ABLIM1: variants seen among roughly 807,000 people sequenced by gnomAD.
ABLIM1 encodes the protein actin-binding LIM protein 1.
In ABLIM1, 40 loss-of-function variants were observed where a neutral mutation model predicts 107.0. That is an observed-to-expected ratio of 0.37 (90% CI 0.29 to 0.49). ABLIM1 has a LOEUF of 0.49. ABLIM1 is among the 20% of genes least tolerant of loss of function. The pLI, the probability that ABLIM1 is intolerant of heterozygous loss-of-function variation, is 0.97. For synonymous variants in ABLIM1, 357 were observed against 357.3 expected, an observed-to-expected ratio of 1.00 and a Z score of 0.01; for missense variants, 857 against 1,008.5, an observed-to-expected ratio of 0.85 and a Z score of 2.04.
chr10:114,660,166 C>T (rs559587221), upstream of ABLIM1, among the ~76,000 whole-genome samples: 4 of 152,286 alleles, frequency 2.6e-5, no homozygotes, highest in Admixed American at 1.3e-4. Flanking sequence ...GAATTAAGCC[C>T]AACACCAACC....
intron 1 of ABLIM1, among the ~76,000 whole-genome samples, chr10:114,603,635 A>AT (rs1325188397): frequency 5.3e-5 from 8 of 150,798 alleles, no homozygotes; most frequent in Admixed American, 2.0e-4. Flanking sequence ...TCCCTTGCAC[A>AT]TTAAAAAAAA....
rs114202653 is a variant in ABLIM1, at chr10:114,561,549, T to C, written c.673+9748A>G. 2.5e-3 allele frequency among the ~76,000 whole-genome samples: 374 copies of C among 152,342 alleles called. 4 individuals carry two copies. Among genetic ancestry groups the C allele is most frequent in the African/African-American group, 8.5e-3 (354 of 41,576 alleles). On this transcript the variant is annotated intron_variant, in intron 4 of 22. Coordinates refer to ENST00000533213, the MANE Select transcript of ABLIM1 (RefSeq NM_002313.7). ...CCACCCAGTTCTCTCTCTCCCTTCC[T>C]AGAGGCAACTACTAATAGCAATTGC...
chr10:114,644,020 A>G (rs918165176), intron 1 of ABLIM1, among the ~76,000 whole-genome samples: 6 of 151,598 alleles, frequency 4.0e-5, no homozygotes, highest in Non-Finnish European at 8.8e-5. Context: ...AGTGGCTCAT[A>G]TCTGTAATCC....
the ABLIM1 span, chr10:114,778,031 T>G: frequency 1.3e-5 from 2 of 152,218 alleles, no homozygotes; most frequent in Non-Finnish European, 2.9e-5. Flanking sequence ...CCTGTCATAT[T>G]TTTTCAAAAG....
At chr10:114,738,774 G>A (rs1234971503) in intron 1 of ABLIM1, among the ~76,000 whole-genome samples, 16 of 144,588 alleles carry the variant, frequency 1.1e-4, no homozygotes, top group African/African-American at 3.9e-4. Flanking sequence ...TGGAAACTGA[G>A]GCACGATAAA....
intron 1 of ABLIM1, among the ~76,000 whole-genome samples, chr10:114,759,254 A>G (rs1041837383): frequency 6.6e-6 from 1 of 152,234 alleles, no homozygotes; most frequent in African/African-American, 2.4e-5. Flanking sequence ...AAATCATACA[A>G]TATGCTGGAA....
At chr10:114,677,416 G>A (rs1462225434) in intron 1 of ABLIM1, among the ~76,000 whole-genome samples, 1 of 152,134 alleles carries the variant, frequency 6.6e-6, no homozygotes, top group Non-Finnish European at 1.5e-5. Context: ...GGAGCATTCT[G>A]CCTTCCCACC....
chr10:114,558,149 A>G (rs2497734), intron 4 of ABLIM1, among the ~76,000 whole-genome samples: 146,889 of 152,188 alleles, frequency 0.97, 70,929 homozygotes, highest in East Asian at 1. Flanking sequence ...AACCCCTGGT[A>G]TTTCGGTAAC....
intron 2 of ABLIM1, among the ~76,000 whole-genome samples, chr10:114,587,772 A>C (rs542599916): frequency 1.3e-5 from 2 of 152,134 alleles, no homozygotes; most frequent in Admixed American, 1.3e-4. Flanking sequence ...CTGGAGGTTT[A>C]TGTTCAAATC....
chr10:114,583,715 AT>A (rs1164802612), intron 2 of ABLIM1, among the ~76,000 whole-genome samples: 3 of 151,904 alleles, frequency 2.0e-5, no homozygotes, highest in Non-Finnish European at 4.4e-5. Flanking sequence ...CACGGAATCC[AT>A]CTAAGTGCCT....
At chr10:114,743,121 A>G (rs1410633214) in intron 1 of ABLIM1, among the ~76,000 whole-genome samples, 2 of 152,178 alleles carry the variant, frequency 1.3e-5, no homozygotes, top group Non-Finnish European at 2.9e-5. Flanking sequence ...TGAGGGTATA[A>G]GTAGTAGCAT....
At chr10:114,452,531 A>C (rs2062066425) in intron 13 of ABLIM1, among the ~76,000 whole-genome samples, 1 of 152,216 alleles carries the variant, frequency 6.6e-6, no homozygotes, top group South Asian at 2.1e-4. Flanking sequence ...GTAAGTTTAG[A>C]AGCAAAAGAA....
chr10:114,643,066 C>A (rs1427092844), intron 1 of ABLIM1, among the ~76,000 whole-genome samples: 1 of 152,190 alleles, frequency 6.6e-6, no homozygotes, highest in Non-Finnish European at 1.5e-5. Context: ...CTTGGGAAAA[C>A]TGCTGGAAAA....
rs1020243997 is a variant in ABLIM1 at position 114,760,059 on chromosome 10, A to G, written c.-213+8002T>C. 5.3e-5 allele frequency among the ~76,000 whole-genome samples: 8 copies of G among 152,298 alleles called. No individual in the cohort carries two copies. The South Asian group carries it at 1.7e-3, about 32-fold the overall frequency. The stretch of plus-strand genomic sequence containing the variant: ...GACAATCTTTACTGCAGAGGGCTCA[A>G]TAACTATTTGTTAAATGACTACATT... On this transcript the variant is annotated intron_variant, in intron 1 of 15. Coordinates refer to the ABLIM1 transcript ENST00000651092.
intron 1 of ABLIM1, among the ~76,000 whole-genome samples, chr10:114,754,312 G>T (rs375062035): frequency 9.2e-5 from 14 of 152,306 alleles, no homozygotes; most frequent in East Asian, 5.8e-4. Context: ...AGCAAACCGT[G>T]AATTTCTTAG....
Position 114,568,175 on chromosome 10 carries a change from C to T in ABLIM1, c.673+3122G>A, listed in dbSNP as rs1001922589. ...ACTGCAGTCCGCAGTCCAGCCTGGG[C>T]GACAGAGCAAGACTCCGTCTCAAAA... On this transcript the variant is annotated intron_variant, in intron 4 of 22. Coordinates refer to ENST00000533213, the MANE Select transcript of ABLIM1 (RefSeq NM_002313.7). Among the ~76,000 whole-genome samples the T allele has an allele frequency of 1.1e-3, 138 of 120,152 alleles. 1 individual carries two copies. The highest frequency in any genetic ancestry group is 4.5e-3 in the African/African-American group (127 of 27,934). The allele number at this position is 120,152 out of a possible 152,430, so 78.8% of individuals were successfully genotyped here. A position where few individuals can be genotyped will look rare whatever the true frequency, so the allele number is the denominator to read the frequency against.
chr10:114,642,355 C>T (rs973511262), intron 1 of ABLIM1, among the ~76,000 whole-genome samples: 2 of 151,942 alleles, frequency 1.3e-5, no homozygotes, highest in African/African-American at 4.8e-5. Flanking sequence ...AATGGTGACA[C>T]AACAGGACTA....
chr10:114,490,966 G>A (rs7079439), intron 7 of ABLIM1, among the ~76,000 whole-genome samples: 6 of 128,302 alleles, frequency 4.7e-5, no homozygotes, highest in African/African-American at 1.8e-4. Flanking sequence ...ACCACGCCCG[G>A]CATATATATG....
At chr10:114,771,568 T>G (rs1002735776), upstream of ABLIM1, among the ~76,000 whole-genome samples, 10 of 152,242 alleles carry the variant, frequency 6.6e-5, no homozygotes, top group African/African-American at 2.4e-4. Context: ...TCAGAATCTC[T>G]TTCTATAATC....
Sources: gnomAD v4.1 joint callset for allele counts (sites outside exome capture counted in the v4.1 genomes callset) on GRCh38, gnomAD v4.1.1 for gene constraint, MANE v1.5 for transcripts, NCBI Gene and HGNC (gene_info 2026-07-23, HGNC 2026-07-21) for gene names.